Variants in KAZN observed in about 807,000 individuals in gnomAD.
KAZN encodes the protein kazrin.
A neutral mutation model predicts 87.4 loss-of-function variants in KAZN; 40 were observed. The ratio of observed to expected loss-of-function variants is 0.46; its 90% CI spans 0.36 to 0.60. KAZN has a LOEUF of 0.60. Ranked by LOEUF, KAZN falls within the 20% of genes least tolerant of loss-of-function variation. The pLI, the probability that KAZN is intolerant of heterozygous loss-of-function variation, is 0.00. For synonymous variants in KAZN, 466 were observed against 458.3 expected (o/e 1.02, Z -0.22); for missense variants, 898 against 1,073.9 (o/e 0.84, Z 2.29).
At chr1:14,105,554 G>A (rs1644351252) in intron 1 of KAZN, among the ~76,000 whole-genome samples, 1 of 152,118 alleles carries the variant, frequency 6.6e-6, no homozygotes, top group Non-Finnish European at 1.5e-5. Flanking sequence ...TAACCTATTA[G>A]TTTTAGAAGA....
At chr1:14,578,877 G>A (rs1675355473) in intron 2 of KAZN, among the ~76,000 whole-genome samples, 1 of 152,136 alleles carries the variant, frequency 6.6e-6, no homozygotes, top group African/African-American at 2.4e-5. Context: ...AATAACCTTT[G>A]GAGATAGGCA....
chr1:14,543,317 T>C lies in KAZN; in HGVS notation c.250-55666T>C, dbSNP rs145767639. Among the ~76,000 whole-genome samples, 12 of 152,322 alleles carry C rather than the reference T, an allele frequency of 7.9e-5. No homozygotes were observed. In the East Asian group the frequency reaches 2.3e-3, roughly 29 times the overall value. ...ATTAATAAGTTGCATGAAGTTGGCC[T>C]GCCCTCTAACACAGTCCCTTGCAGA... On this transcript the variant is annotated intron_variant, in intron 2 of 16. Coordinates refer to the KAZN transcript ENST00000636203.
chr1:13,956,105 T>C (rs895477511), intron 1 of KAZN, among the ~76,000 whole-genome samples: 19 of 152,190 alleles, frequency 1.2e-4, no homozygotes, highest in Non-Finnish European at 2.4e-4. Context: ...GAAACTCAGT[T>C]CCCATTTTTT....
chr1:14,074,030 G>A (rs773923689), intron 1 of KAZN, among the ~76,000 whole-genome samples: 39 of 152,114 alleles, frequency 2.6e-4, no homozygotes, highest in Non-Finnish European at 4.6e-4. Flanking sequence ...CGGCCCTCAG[G>A]CTGCTGCTCT....
chr1:14,515,955 GCCTTCTTTACT>G (rs890376928), intron 2 of KAZN, among the ~76,000 whole-genome samples: 6 of 152,072 alleles, frequency 3.9e-5, no homozygotes, highest in East Asian at 1.9e-4. Flanking sequence ...AATCCTGTGT[GCCTTCTTTACT>G]CCTTCTTTAC....
Position 14,306,577 on chromosome 1 carries a change from G to A in KAZN, c.249+125985G>A, listed in dbSNP as rs562575403. On this transcript the variant is annotated intron_variant, in intron 2 of 16. Coordinates refer to the KAZN transcript ENST00000636203. The stretch of plus-strand genomic sequence containing the variant: ...TATGAAAAACTACCCAGTCCTTGCT[G>A]TGAAAGTCAGCAGTGCTGGGCTACT... Among the ~76,000 whole-genome samples the A allele has an allele frequency of 2.0e-5, 3 of 152,292 alleles. No individual in the cohort carries two copies. The East Asian group carries it at 5.8e-4, about 29-fold the overall frequency.
chr1:14,678,175 G>T (rs1640347633), intron 1 of KAZN, among the ~76,000 whole-genome samples: 1 of 152,164 alleles, frequency 6.6e-6, no homozygotes, highest in African/African-American at 2.4e-5. Context: ...AGGAAGACCT[G>T]CCCTCAGGAA....
At position 14,064,626 on chromosome 1, in the gene KAZN, A is replaced by G. The variant is rs529458571; in HGVS notation, c.92-115809A>G. Among the ~76,000 whole-genome samples the G allele has an allele frequency of 7.2e-5, 11 of 152,074 alleles. No homozygotes were observed. In the East Asian group the frequency reaches 2.1e-3, roughly 29 times the overall value. The stretch of plus-strand genomic sequence containing the variant: ...TGGGCATTGTGAAAAGGAGGCGGGA[A>G]AGCTGGATGGGACTTCCTGGGCCAG... On this transcript the variant is annotated intron_variant, in intron 1 of 16. Coordinates refer to the KAZN transcript ENST00000636203.
chr1:13,977,855 C>T lies in KAZN; in HGVS notation c.91+84099C>T, dbSNP rs112458780. On this transcript the variant is annotated intron_variant, in intron 1 of 16. Coordinates refer to the KAZN transcript ENST00000636203. ...ATTGTCGGATTCTCTAGACTGGGCA[C>T]GGTGGCTCACGCCTGTAATCCCAGC... Among the ~76,000 whole-genome samples, 795 of 152,254 alleles carry T rather than the reference C, an allele frequency of 5.2e-3. 2 individuals carry two copies. The highest frequency in any genetic ancestry group is 0.016 in the African/African-American group (664 of 41,554).
intron 2 of KAZN, among the ~76,000 whole-genome samples, chr1:14,984,404 G>A (rs566465792): frequency 1.3e-5 from 2 of 152,184 alleles, no homozygotes; most frequent in East Asian, 3.9e-4. Flanking sequence ...AAACAGAGTA[G>A]AGCAAATAAG....
intron 1 of KAZN, among the ~76,000 whole-genome samples, chr1:14,118,621 C>T (rs955912619): frequency 6.6e-6 from 1 of 152,222 alleles, no homozygotes; most frequent in African/African-American, 2.4e-5. Context: ...GATACAAACC[C>T]TTTCTTTGAA....
rs570413473 is a variant in KAZN, at chr1:13,894,956, C to T, written c.91+1200C>T. 4.0e-4 allele frequency among the ~76,000 whole-genome samples: 61 copies of T among 152,324 alleles called. No homozygotes were observed. The South Asian group carries it at 0.012, about 31-fold the overall frequency. On this transcript the variant is annotated intron_variant, in intron 1 of 16. Coordinates refer to the KAZN transcript ENST00000636203. ...GACTGCTGGGTTGGGGTCCCAGTTT[C>T]ACTTATTAAAAACTGTGTGATCTCA...
rs115881252 is a variant in KAZN, at chr1:14,462,386, G to C, written c.250-136597G>C. Among the ~76,000 whole-genome samples the C allele has an allele frequency of 8.3e-3, 1,256 of 152,180 alleles. 19 individuals are homozygous for C. The highest frequency in any genetic ancestry group is 0.028 in the African/African-American group (1,145 of 41,518). ...TTCTTCCCCTGTCTGTTCACCAACT[G>C]CTGTTCCACTTGTATATTTCAAAAG... is the stretch of plus-strand genomic sequence containing the variant. On this transcript the variant is annotated intron_variant, in intron 2 of 16. Transcript: ENST00000636203.
At chr1:14,237,264 G>A (rs562235243) in intron 2 of KAZN, among the ~76,000 whole-genome samples, 2 of 152,224 alleles carry the variant, frequency 1.3e-5, no homozygotes, top group South Asian at 4.1e-4. Context: ...GAATATTCCC[G>A]AATCTCAGGA....
intron 2 of KAZN, among the ~76,000 whole-genome samples, chr1:14,382,503 G>A (rs1178065823): frequency 8.5e-6 from 1 of 117,888 alleles, no homozygotes; most frequent in African/African-American, 3.4e-5. Context: ...AGAGTGTGAT[G>A]TTCCCCTTCC....
At chr1:13,966,300 C>T (rs777608849) in intron 1 of KAZN, among the ~76,000 whole-genome samples, 2 of 152,190 alleles carry the variant, frequency 1.3e-5, no homozygotes, top group Non-Finnish European at 2.9e-5. Flanking sequence ...ACGAAGACCA[C>T]CTTTCAGGGA....
At chr1:14,890,722 T>A (rs1654613336) in intron 1 of KAZN, among the ~76,000 whole-genome samples, 1 of 151,894 alleles carries the variant, frequency 6.6e-6, no homozygotes, top group African/African-American at 2.4e-5. Context: ...AGAGCTGGGG[T>A]CTTGCCGTGT....
chr1:14,724,901 C>T (rs1362085210), intron 1 of KAZN, among the ~76,000 whole-genome samples: 2 of 152,234 alleles, frequency 1.3e-5, no homozygotes, highest in Non-Finnish European at 2.9e-5. Context: ...GGAAAGAAGT[C>T]AGTGCTACTG....
At chr1:14,740,104 C>T (rs190349040) in intron 1 of KAZN, among the ~76,000 whole-genome samples, 9 of 152,218 alleles carry the variant, frequency 5.9e-5, no homozygotes, top group African/African-American at 1.9e-4. Context: ...GGATCAGACC[C>T]AAGCCGAGTG....
Sources: gnomAD v4.1 joint callset for allele counts (sites outside exome capture counted in the v4.1 genomes callset) on GRCh38, gnomAD v4.1.1 for gene constraint, MANE v1.5 for transcripts, NCBI Gene and HGNC (gene_info 2026-07-23, HGNC 2026-07-21) for gene names.